Variants in PAN3 observed in about 807,000 individuals in gnomAD.
The protein encoded by PAN3 is poly(A) specific ribonuclease subunit PAN3.
PAN3 carries 19 observed loss-of-function variants against 96.2 expected under a neutral mutation model. The observed-to-expected ratio is 0.20, with a 90% CI of 0.14 to 0.29. The LOEUF is 0.29. Among genes scored for constraint, PAN3 ranks in the 10% least tolerant of loss-of-function variants. The pLI is 1.00. For synonymous variants in PAN3, 433 were observed against 406.6 expected, an observed-to-expected ratio of 1.06 and a Z score of -0.78; for missense variants, 882 against 1,108.1, an observed-to-expected ratio of 0.80 and a Z score of 2.90.
intron 3 of PAN3, among the ~76,000 whole-genome samples, chr13:28,177,592 T>C (rs888230514): frequency 6.6e-6 from 1 of 152,120 alleles, no homozygotes; most frequent in Non-Finnish European, 1.5e-5. Flanking sequence ...CACAATAGTA[T>C]GGTTAAGAGG....
chr13:28,167,300 C>T (rs955561882), intron 1 of PAN3, among the ~76,000 whole-genome samples: 1 of 151,746 alleles, frequency 6.6e-6, no homozygotes, highest in Admixed American at 6.6e-5. Context: ...TCAAGTGATT[C>T]TCCTGCCTCA....
At chr13:28,246,094 G>C (rs1005025838) in intron 6 of PAN3, among the ~76,000 whole-genome samples, 1 of 152,108 alleles carries the variant, frequency 6.6e-6, no homozygotes, top group Non-Finnish European at 1.5e-5. Flanking sequence ...AGCCATCCTA[G>C]TGTGTATGAA....
chr13:28,181,913 TAG>T (rs373563001), intron 4 of PAN3, among the ~76,000 whole-genome samples: 15 of 152,314 alleles, frequency 9.8e-5, no homozygotes, highest in African/African-American at 3.4e-4. Context: ...CCTAATTTTA[TAG>T]AGAGAAAAAG....
At chr13:28,174,868 G>C (rs1874761389) in intron 2 of PAN3, among the ~76,000 whole-genome samples, 1 of 149,374 alleles carries the variant, frequency 6.7e-6, no homozygotes. Flanking sequence ...TAGAAGCATA[G>C]TGCTAGTTTT....
At chr13:28,277,572 G>A (rs1367429580) in intron 15 of PAN3, among the ~76,000 whole-genome samples, 196 bp downstream of exon 15, 1 of 152,136 alleles carries the variant, frequency 6.6e-6, no homozygotes, top group East Asian at 1.9e-4. Flanking sequence ...AGTTATTGAT[G>A]TTTTAAACAT....
chr13:28,291,267 A>G (rs983049654), intron 18 of PAN3, among the ~76,000 whole-genome samples: 2 of 152,224 alleles, frequency 1.3e-5, no homozygotes, highest in African/African-American at 4.8e-5. Context: ...TTAATGAAAT[A>G]AAGTACATTG....
At chr13:28,224,715 C>T (rs1881807707) in intron 6 of PAN3, among the ~76,000 whole-genome samples, 1 of 152,138 alleles carries the variant, frequency 6.6e-6, no homozygotes, top group African/African-American at 2.4e-5. Context: ...AGTTCCAGCT[C>T]CGGCGCAAGC....
chr13:28,186,699 G>A (rs188582317), intron 4 of PAN3, among the ~76,000 whole-genome samples: 7 of 152,128 alleles, frequency 4.6e-5, no homozygotes, highest in Non-Finnish European at 1.0e-4. Context: ...AGACATTCTG[G>A]CAGCTACATA....
At chr13:28,277,655 T>C (rs1292506265) in intron 15 of PAN3, among the ~76,000 whole-genome samples, 1 of 152,256 alleles carries the variant, frequency 6.6e-6, no homozygotes, top group African/African-American at 2.4e-5. Context: ...TTGATATTAA[T>C]TGAAATTTAA....
intron 1 of PAN3, among the ~76,000 whole-genome samples, chr13:28,143,832 C>T (rs57462553): frequency 0.036 from 5,471 of 152,240 alleles, 304 homozygotes; most frequent in African/African-American, 0.12. Context: ...CCATGGATAA[C>T]TTGAAGTTCA....
intron 3 of PAN3, among the ~76,000 whole-genome samples, chr13:28,176,884 A>G (rs1875085630): frequency 6.6e-6 from 1 of 152,060 alleles, no homozygotes; most frequent in Non-Finnish European, 1.5e-5. Context: ...TATATACAAA[A>G]ATTTCAACAT....
At chr13:28,147,491 G>C (rs1233187964) in intron 1 of PAN3, among the ~76,000 whole-genome samples, 1 of 152,134 alleles carries the variant, frequency 6.6e-6, no homozygotes, top group African/African-American at 2.4e-5. Context: ...AAACATCATA[G>C]CTTAGCCTAG....
intron 6 of PAN3, among the ~76,000 whole-genome samples, chr13:28,253,848 A>G (rs1884934305): frequency 6.6e-6 from 1 of 152,186 alleles, no homozygotes; most frequent in South Asian, 2.1e-4. Context: ...CTGCAACTTT[A>G]TATTAAAATA....
At chr13:28,139,680 G>A (rs1009891591) in intron 1 of PAN3, among the ~76,000 whole-genome samples, 11 of 152,026 alleles carry the variant, frequency 7.2e-5, no homozygotes, top group African/African-American at 2.7e-4. Context: ...TTAGGAGGGA[G>A]CGGACTGTCG....
intron 6 of PAN3, among the ~76,000 whole-genome samples, chr13:28,225,497 G>C (rs570696016): frequency 6.6e-6 from 1 of 152,298 alleles, no homozygotes; most frequent in South Asian, 2.1e-4. Flanking sequence ...ATTGGTTATT[G>C]ATTTAAGTGG....
intron 16 of PAN3, among the ~76,000 whole-genome samples, 179 bp downstream of exon 16, chr13:28,280,720 C>A (rs1262320862): frequency 6.6e-6 from 1 of 151,956 alleles, no homozygotes; most frequent in African/African-American, 2.4e-5. Flanking sequence ...CGCCACCACA[C>A]CCCGCTATTT....
intron 17 of PAN3, among the ~76,000 whole-genome samples, chr13:28,284,595 T>C (rs983255476): frequency 1.3e-5 from 2 of 152,162 alleles, no homozygotes; most frequent in African/African-American, 4.8e-5. Context: ...GGTTAGAAAT[T>C]GTATAGGGTG....
intron 4 of PAN3, among the ~76,000 whole-genome samples, chr13:28,183,518 A>T (rs1334530933): frequency 6.6e-6 from 1 of 152,200 alleles, no homozygotes; most frequent in Non-Finnish European, 1.5e-5. Flanking sequence ...AGGCTTAGAG[A>T]TATGTTTTCC....
chr13:28,260,712 C>A (rs1566238546), intron 8 of PAN3, among the ~76,000 whole-genome samples, 161 bp downstream of exon 8: 1 of 149,584 alleles, frequency 6.7e-6, no homozygotes, highest in African/African-American at 2.4e-5. Context: ...TTTAAGGAAA[C>A]CTGTCTTTTA....
Sources: gnomAD v4.1 joint callset for allele counts (sites outside exome capture counted in the v4.1 genomes callset) on GRCh38, gnomAD v4.1.1 for gene constraint, MANE v1.5 for transcripts, NCBI Gene and HGNC (gene_info 2026-07-23, HGNC 2026-07-21) for gene names.